GP6: variants seen among roughly 807,000 people sequenced by gnomAD.
GP6 encodes the protein platelet glycoprotein VI.
A neutral mutation model predicts 37.3 loss-of-function variants in GP6; 45 were observed. That is an observed-to-expected ratio of 1.21 (90% CI 0.95 to 1.55). GP6 has a LOEUF of 1.55. Ranked by LOEUF, GP6 falls within the 40% of genes most tolerant of loss-of-function variation. The probability of loss-of-function intolerance (pLI) is 0.00; values close to 1 mark genes in which losing one functional copy is unlikely to be tolerated. For missense variants in GP6, 813 were observed against 760.2 expected (o/e 1.07, Z -0.82); for synonymous variants, 340 against 316.4 (o/e 1.07, Z -0.79).
At chr19:55,037,623 C>CTTT (rs1179101360) in intron 1 of GP6, among the ~76,000 whole-genome samples, 2,832 of 50,486 alleles carry the variant, frequency 0.056, 719 homozygotes, top group Non-Finnish European at 0.084. Flanking sequence ...GGCACTCAGC[C>CTTT]TTTTTTTTTT....
rs758112169 is a variant in GP6, at chr19:55,032,343, C to G, written c.121G>C (p.Glu41Gln). The change falls in exon 3 of 8, where the codon GAG becomes CAG. Residue 41 changes from glutamate to glutamine, a missense_variant. Coordinates refer to ENST00000310373, the MANE Select transcript of GP6 (RefSeq NM_001083899.2). ...TGGCACCGGAGGGTCACTGGCTTCTCCAGGGGCACCAGGGAGCTGGGCAGA... is the reference window on the plus strand; with the variant it reads ...TGGCACCGGAGGGTCACTGGCTTCTGCAGGGGCACCAGGGAGCTGGGCAGA... 6.2e-7 allele frequency: 1 copy of G among 1,613,846 alleles called. No homozygotes were observed. Among genetic ancestry groups the G allele is most frequent in the Non-Finnish European group, 8.5e-7 (1 of 1,179,974 alleles).
intron 4 of GP6, among the ~76,000 whole-genome samples, chr19:55,025,949 C>G (rs1288721311): frequency 7.2e-6 from 1 of 139,456 alleles, no homozygotes; most frequent in Non-Finnish European, 1.5e-5. Flanking sequence ...TTGCAGTGAA[C>G]TGAGATCACT....
rs540637093 is a variant in GP6, at chr19:55,014,919, G to A, written c.1026C>T (p.Thr342=). ...GATACGACCGTGCCTGGGGTTCAGC[G>A]GTCATGAACATAACCCGCGGCTGTG... is the stretch of plus-strand genomic sequence containing the variant. The change falls in exon 8 of 8, where the codon ACC becomes ACT. Residue 342 remains threonine, a synonymous_variant. Transcript: ENST00000310373. The A allele has an allele frequency of 6.2e-6, 10 of 1,613,594 alleles. No individual in the cohort carries two copies. The highest frequency in any genetic ancestry group is 2.2e-5 in the East Asian group (1 of 44,872).
In GP6 at chr19:55,023,137, G is replaced by C. The variant is rs188539328; in HGVS notation, c.664+2081C>G. Reference sequence around the variant, plus strand: ...AGGTGATAGTAACCAAAACAGCATGGTACTGGTACAAAAACAGACACATAG... The same window carrying C: ...AGGTGATAGTAACCAAAACAGCATGCTACTGGTACAAAAACAGACACATAG... On this transcript the variant is annotated intron_variant, in intron 5 of 7. Coordinates refer to ENST00000310373, the MANE Select transcript of GP6 (RefSeq NM_001083899.2). 3.0e-3 allele frequency among the ~76,000 whole-genome samples: 451 copies of C among 152,220 alleles called. 8 individuals are homozygous for C. The highest frequency in any genetic ancestry group is 0.011 in the African/African-American group (437 of 41,520).
intron 1 of GP6, 22 bp downstream of exon 1, chr19:55,038,181 A>C: frequency 1.3e-6 from 2 of 1,571,708 alleles, no homozygotes; most frequent in African/African-American, 2.7e-5. Context: ...AGCATTTCCC[A>C]GATCTGACCC....
chr19:55,029,282 TCTCG>T (rs1412740735), intron 3 of GP6, among the ~76,000 whole-genome samples: 1 of 139,632 alleles, frequency 7.2e-6, no homozygotes, highest in African/African-American at 2.6e-5. Flanking sequence ...TGAGACGGAG[TCTCG>T]CTCTGTCACC....
chr19:55,016,533 G>A (rs886291489), intron 6 of GP6, among the ~76,000 whole-genome samples: 12 of 151,530 alleles, frequency 7.9e-5, no homozygotes, highest in African/African-American at 2.2e-4. Flanking sequence ...CCGCCACCAC[G>A]CCCAGCTAAG....
At position 55,024,318 on chromosome 19, in the gene GP6, A is replaced by ACACATGCACG. The variant is rs1568613039; in HGVS notation, c.664+899_664+900insCGTGCATGTG. On this transcript the variant is annotated intron_variant, in intron 5 of 7. Coordinates refer to ENST00000310373, the MANE Select transcript of GP6 (RefSeq NM_001083899.2). ...CACGCATGCACACACATATGCACGC[A>ACACATGCACG]CACACACATATGCACGCACACACGC... Among the ~76,000 whole-genome samples, 319 of 124,098 alleles carry ACACATGCACG rather than the reference A, an allele frequency of 2.6e-3. 7 individuals are homozygous for ACACATGCACG. Among genetic ancestry groups the ACACATGCACG allele is most frequent in the African/African-American group, 6.4e-3 (174 of 27,282 alleles). The allele number at this position is 124,098 out of a possible 152,430, so 81.4% of individuals were successfully genotyped here. A position where few individuals can be genotyped will look rare whatever the true frequency, so the allele number is the denominator to read the frequency against.
chr19:55,014,731 A>G lies in GP6; in HGVS notation c.1214T>C (p.Leu405Pro), dbSNP rs779088536. The stretch of plus-strand genomic sequence containing the variant: ...CCAAATGGAGGGTGCCCTCAGACAG[A>G]GAGGCAGACAGACAGACAGACACTG... Residue 405 changes from leucine to proline, a missense_variant, in exon 8 of 8, where the codon CTC becomes CCC. Coordinates refer to ENST00000310373, the MANE Select transcript of GP6 (RefSeq NM_001083899.2). 1 of 1,611,826 alleles carries G rather than the reference A, an allele frequency of 6.2e-7. No individual in the cohort carries two copies. The highest frequency in any genetic ancestry group is 8.5e-7 in the Non-Finnish European group (1 of 1,179,276).
chr19:55,025,675 C>T (rs994563359), intron 4 of GP6, among the ~76,000 whole-genome samples: 7 of 151,266 alleles, frequency 4.6e-5, no homozygotes, highest in Non-Finnish European at 1.0e-4. Context: ...CACTGCACTC[C>T]AGCCTGGGTG....
intron 6 of GP6, among the ~76,000 whole-genome samples, chr19:55,016,375 C>CTTTTT (rs35960763): frequency 9.2e-6 from 1 of 108,750 alleles, no homozygotes; most frequent in African/African-American, 3.7e-5. Flanking sequence ...TACGTGCCAG[C>CTTTTT]TTTTTTTTTT....
rs1555797168 is a variant in GP6 at position 55,021,520 on chromosome 19, G to GTTT, written c.665-2812_665-2810dup. 4.2e-4 allele frequency among the ~76,000 whole-genome samples: 53 copies of GTTT among 126,232 alleles called. 1 individual carries two copies. The highest frequency in any genetic ancestry group is 4.5e-3 in the Middle Eastern group (1 of 220). 82.8% of individuals were successfully genotyped at this position (126,232 alleles called of 152,430 possible). A position where few individuals can be genotyped will look rare whatever the true frequency, so the allele number is the denominator to read the frequency against. The stretch of plus-strand genomic sequence containing the variant: ...ACCTGTTGTTTCTTGACTTTTGTTG[G>GTTT]TTTTTTTTTTTTTTTTTTGAGATGG... On this transcript the variant is annotated intron_variant, in intron 5 of 7. Transcript: ENST00000310373.
intron 3 of GP6, among the ~76,000 whole-genome samples, chr19:55,030,382 C>G (rs1253745487): frequency 6.6e-6 from 1 of 151,160 alleles, no homozygotes; most frequent in African/African-American, 2.4e-5. Flanking sequence ...GAGTCTTGCT[C>G]TGTCGCCCAG....
Position 55,032,174 on chromosome 19 carries a change from G to C in GP6, c.290C>G (p.Ser97Cys). ...GAGCTCCAGCTGGTCGCTGGGCAGG[G>C]ACCAGAGGCTTCCGTTCTGGTAGGA... Residue 97 changes from serine to cysteine, a missense_variant, in exon 3 of 8, where the codon TCC (serine) becomes TGC (cysteine). Ser to Cys is a moderately radical substitution (Grantham distance 112). Transcript: ENST00000310373. 2 of 1,613,930 alleles carry C rather than the reference G, an allele frequency of 1.2e-6. No homozygotes were observed. Among genetic ancestry groups the C allele is most frequent in the Non-Finnish European group, 1.7e-6 (2 of 1,179,878 alleles).
chr19:55,015,658 G>A, intron 7 of GP6, 25 bp downstream of exon 7: 1 of 1,418,438 alleles, frequency 7.1e-7, no homozygotes, highest in South Asian at 1.1e-5. Context: ...GAAGGAAGGG[G>A]GTCTGGAGAG....
rs1472499949 is a variant in GP6, at chr19:55,027,876, A to G, written c.326-14T>C. The G allele has an allele frequency of 6.2e-7, 1 of 1,613,914 alleles. No individual in the cohort carries two copies. Among genetic ancestry groups the G allele is most frequent in the Non-Finnish European group, 8.5e-7 (1 of 1,179,840 alleles). The stretch of plus-strand genomic sequence containing the variant: ...TGGCAAAAACTCCTGGGAGAAAAAG[A>G]AAGTCTGATGTTGAAGGCAGGAGCC... On this transcript the variant is annotated splice_polypyrimidine_tract_variant and intron_variant, in intron 3 of 7. Transcript: ENST00000310373.
Position 55,014,761 on chromosome 19 carries a change from A to T in GP6, c.1184T>A (p.Phe395Tyr). ...CAGACAGACAGACAGACACTGGCCG[A>T]ACGGCTCCCTGATGGAACACCAGGA... Residue 395 changes from phenylalanine to tyrosine, a missense_variant, in exon 8 of 8, where the codon TTC (phenylalanine) becomes TAC (tyrosine). By Grantham distance (22) the Phe-to-Tyr change is conservative. Transcript: ENST00000310373. 1 of 1,612,434 alleles carries T rather than the reference A, an allele frequency of 6.2e-7. No homozygotes were observed. Among genetic ancestry groups the T allele is most frequent in the Non-Finnish European group, 8.5e-7 (1 of 1,179,266 alleles).
intron 1 of GP6, among the ~76,000 whole-genome samples, chr19:55,037,789 G>A (rs943706838): frequency 1.3e-5 from 2 of 150,402 alleles, no homozygotes; most frequent in African/African-American, 4.9e-5. Flanking sequence ...CCGCCATCAC[G>A]CCCGGCTAAT....
chr19:55,015,987 A>C (rs746509017), intron 6 of GP6, among the ~76,000 whole-genome samples: 1 of 152,010 alleles, frequency 6.6e-6, no homozygotes, highest in Non-Finnish European at 1.5e-5. Context: ...AAAAATACAA[A>C]AATTAGCCAG....
Sources: allele counts gnomAD v4.1 joint callset (sites outside exome capture counted in the v4.1 genomes callset), GRCh38; gene constraint gnomAD v4.1.1; transcripts MANE v1.5; gene names NCBI Gene and HGNC (gene_info 2026-07-23, HGNC 2026-07-21).